Variants in ZNF804B observed in about 807,000 individuals in gnomAD.
ZNF804B encodes zinc finger 804B.
Under a neutral mutation model 101.4 loss-of-function variants are expected in ZNF804B, and 80 were observed. The observed-to-expected ratio is 0.79, with a 90% confidence interval of 0.66 to 0.95. The LOEUF (loss-of-function observed/expected upper bound fraction) is 0.95, where lower values mean the gene tolerates loss of function less well. ZNF804B is among the 40% of genes least tolerant of loss of function. The pLI is 0.00. For synonymous variants in ZNF804B, 622 were observed against 558.8 expected (o/e 1.11, Z -1.59); for missense variants, 1,673 against 1,561.9 (o/e 1.07, Z -1.20).
chr7:89,313,311 CA>C (rs1790670819), intron 2 of ZNF804B, among the ~76,000 whole-genome samples: 1 of 152,088 alleles, frequency 6.6e-6, no homozygotes, highest in Non-Finnish European at 1.5e-5. Context: ...TAAAGAAAAA[CA>C]TTAACACATG....
Position 89,125,232 on chromosome 7 carries a change from G to C in ZNF804B, c.109-92923G>C, listed in dbSNP as rs917873665. On this transcript the variant is annotated intron_variant, in intron 1 of 3. Coordinates refer to ENST00000333190, the MANE Select transcript of ZNF804B (RefSeq NM_181646.5). ...AGATAAAAAGATTTTTGAAACTTAA[G>C]GGTATATTGGTAGAATTATTGTGAA... Among the ~76,000 whole-genome samples the C allele has an allele frequency of 3.3e-5, 5 of 151,710 alleles. No homozygotes were observed. The South Asian group carries it at 8.3e-4, about 25-fold the overall frequency.
intron 1 of ZNF804B, among the ~76,000 whole-genome samples, chr7:89,173,482 A>C (rs1791269949): frequency 6.6e-6 from 1 of 152,116 alleles, no homozygotes; most frequent in African/African-American, 2.4e-5. Context: ...CAAGTTAAAG[A>C]ATATTTATTG....
At chr7:88,858,679 C>T (rs958970754) in intron 1 of ZNF804B, among the ~76,000 whole-genome samples, 1 of 151,970 alleles carries the variant, frequency 6.6e-6, no homozygotes, top group Non-Finnish European at 1.5e-5. Flanking sequence ...ACAGAAAGGC[C>T]ATAATGAATT....
intron 1 of ZNF804B, among the ~76,000 whole-genome samples, chr7:88,789,272 C>G (rs1026594354): frequency 1.3e-5 from 2 of 151,922 alleles, no homozygotes; most frequent in Non-Finnish European, 2.9e-5. Context: ...ATAAAAAGTT[C>G]TAAACTAATG....
At position 88,898,868 on chromosome 7, in the gene ZNF804B, G is replaced by A. The variant is rs1792347573; in HGVS notation, c.108+138784G>A. Among the ~76,000 whole-genome samples the A allele has an allele frequency of 2.0e-5, 3 of 152,208 alleles. No homozygotes were observed. The South Asian group carries it at 6.2e-4, about 32-fold the overall frequency. On this transcript the variant is annotated intron_variant, in intron 1 of 3. Transcript: ENST00000333190. ...CTGCTTCAGGGTGATAGCTTCACTG[G>A]TTCACATCATCATGCTCAGCCATTG...
intron 1 of ZNF804B, among the ~76,000 whole-genome samples, chr7:88,810,806 C>CT (rs1257198229): frequency 1.3e-5 from 2 of 152,210 alleles, no homozygotes; most frequent in East Asian, 1.9e-4. Context: ...AAATTGCCTA[C>CT]TTTTTTGTTA....
intron 2 of ZNF804B, among the ~76,000 whole-genome samples, chr7:89,278,597 T>C (rs1434866620): frequency 6.6e-6 from 1 of 152,076 alleles, no homozygotes; most frequent in Non-Finnish European, 1.5e-5. Context: ...GCACCATTTA[T>C]TAAATAAGGA....
At chr7:89,196,118 C>T (rs1788548310) in intron 1 of ZNF804B, among the ~76,000 whole-genome samples, 1 of 152,054 alleles carries the variant, frequency 6.6e-6, no homozygotes, top group South Asian at 2.1e-4. Context: ...GTGTAAAGAA[C>T]AAAGCTGGAG....
At chr7:89,253,929 A>T (rs1789582332) in intron 2 of ZNF804B, among the ~76,000 whole-genome samples, 1 of 152,066 alleles carries the variant, frequency 6.6e-6, no homozygotes, top group African/African-American at 2.4e-5. Context: ...GGAGGGGAAA[A>T]ATTAATATTC....
chr7:88,787,013 A>G (rs1437396736), intron 1 of ZNF804B, among the ~76,000 whole-genome samples: 1 of 152,152 alleles, frequency 6.6e-6, no homozygotes, highest in East Asian at 1.9e-4. Flanking sequence ...TGAGGACAGA[A>G]AAAAGTTCCT....
chr7:89,209,277 T>G (rs1348364186), intron 1 of ZNF804B, among the ~76,000 whole-genome samples: 1 of 151,928 alleles, frequency 6.6e-6, no homozygotes, highest in Non-Finnish European at 1.5e-5. Context: ...TATCTTTTAA[T>G]GTGGGCATCT....
chr7:88,794,325 G>A (rs1790436851), intron 1 of ZNF804B: 7 of 1,613,790 alleles, frequency 4.3e-6, no homozygotes, highest in Admixed American at 3.3e-5. Context: ...GGAGGAGTAG[G>A]TCAGGTGCAA....
chr7:88,870,751 T>C (rs1288156139), intron 1 of ZNF804B, among the ~76,000 whole-genome samples: 5 of 152,170 alleles, frequency 3.3e-5, no homozygotes, highest in Non-Finnish European at 7.3e-5. Flanking sequence ...GTCATTTTTA[T>C]GACCCCTGAT....
intron 2 of ZNF804B, among the ~76,000 whole-genome samples, chr7:89,322,519 A>C (rs1441901981): frequency 6.6e-6 from 1 of 152,166 alleles, no homozygotes; most frequent in African/African-American, 2.4e-5. Flanking sequence ...AATAAAATTA[A>C]TAATCACTAG....
At chr7:89,202,174 C>G (rs1055733891) in intron 1 of ZNF804B, among the ~76,000 whole-genome samples, 3 of 152,018 alleles carry the variant, frequency 2.0e-5, no homozygotes, top group Non-Finnish European at 4.4e-5. Context: ...TTCAAGAGCA[C>G]CATAGAAATG....
chr7:89,307,623 T>A (rs1243011938), intron 2 of ZNF804B, among the ~76,000 whole-genome samples: 2 of 152,100 alleles, frequency 1.3e-5, no homozygotes, highest in Non-Finnish European at 2.9e-5. Flanking sequence ...TATAAAATCT[T>A]ATTTTTGAGC....
chr7:88,817,423 T>C (rs1233905109), intron 1 of ZNF804B, among the ~76,000 whole-genome samples: 1 of 142,392 alleles, frequency 7.0e-6, no homozygotes, highest in Non-Finnish European at 1.5e-5. Context: ...AAAAGGCTGC[T>C]CTCTCCATAG....
intron 1 of ZNF804B, among the ~76,000 whole-genome samples, chr7:88,972,989 T>C (rs1240342110): frequency 6.6e-6 from 1 of 151,394 alleles, no homozygotes; most frequent in East Asian, 2.0e-4. Flanking sequence ...AAGAGGTAAA[T>C]ATCCATATTT....
chr7:88,939,713 A>G (rs1223533329), intron 1 of ZNF804B, among the ~76,000 whole-genome samples: 1 of 151,896 alleles, frequency 6.6e-6, no homozygotes, highest in East Asian at 1.9e-4. Context: ...ATTGAAAAAG[A>G]TATAATAGGA....
Sources: allele counts gnomAD v4.1 joint callset (sites outside exome capture counted in the v4.1 genomes callset), GRCh38; gene constraint gnomAD v4.1.1; transcripts MANE v1.5; gene names NCBI Gene and HGNC (gene_info 2026-07-23, HGNC 2026-07-21).